Variants in LIPM observed in about 807,000 individuals in gnomAD.
LIPM encodes the protein lipase family member M.
Under a neutral mutation model 42.4 loss-of-function variants are expected in LIPM, and 42 were observed. That is an observed-to-expected ratio of 0.99 (90% CI 0.77 to 1.28). LIPM has a LOEUF of 1.28. LIPM is among the 50% of genes most tolerant of loss of function. The probability of loss-of-function intolerance (pLI) is 0.00; values close to 1 mark genes in which losing one functional copy is unlikely to be tolerated. For synonymous variants in LIPM, 177 were observed against 173.3 expected (o/e 1.02, Z -0.17); for missense variants, 524 against 520.1 (o/e 1.01, Z -0.07).
chr10:88,819,751 G>A (rs1002206127), intron 8 of LIPM, among the ~76,000 whole-genome samples: 3 of 152,170 alleles, frequency 2.0e-5, no homozygotes, highest in African/African-American at 4.8e-5. Context: ...CAGTCAAGCC[G>A]GGTCTGCCTC....
chr10:88,814,066 T>C (rs915361609), intron 3 of LIPM, among the ~76,000 whole-genome samples: 3 of 152,184 alleles, frequency 2.0e-5, no homozygotes, highest in African/African-American at 7.2e-5. Flanking sequence ...GGACCATCGA[T>C]TTGACTTACC....
In LIPM at chr10:88,813,092, T is replaced by G. The variant is rs1843673219; in HGVS notation, c.266-5T>G. On this transcript the variant is annotated splice_region_variant and splice_polypyrimidine_tract_variant and intron_variant, in intron 2 of 8. Coordinates refer to ENST00000404743, the MANE Select transcript of LIPM (RefSeq NM_001128215.1). ...TCATACAGTTGAAATTTTCTCTTTT[T>G]GCAGGTTCCAGGCCTGTGGTGTTAC... 1 of 1,573,878 alleles carries G rather than the reference T, an allele frequency of 6.4e-7. No homozygotes were observed. The highest frequency in any genetic ancestry group is 8.6e-7 in the Non-Finnish European group (1 of 1,158,800).
chr10:88,807,636 C>A (rs1399019026), intron 1 of LIPM, among the ~76,000 whole-genome samples: 1 of 152,118 alleles, frequency 6.6e-6, no homozygotes, highest in African/African-American at 2.4e-5. Flanking sequence ...GTTTTTGTAT[C>A]CATTGTATAT....
chr10:88,804,502 G>A (rs1843563730), intron 1 of LIPM, among the ~76,000 whole-genome samples: 1 of 152,186 alleles, frequency 6.6e-6, no homozygotes, highest in Admixed American at 6.5e-5. Flanking sequence ...TTCTGAGGTA[G>A]GAGAAGGGCA....
intron 2 of LIPM, among the ~76,000 whole-genome samples, chr10:88,808,696 A>T (rs997068881): frequency 1.3e-5 from 2 of 152,140 alleles, no homozygotes; most frequent in Admixed American, 1.3e-4. Flanking sequence ...CCCATTCCCC[A>T]AAACTCCTCC....
At position 88,820,488 on chromosome 10, in the gene LIPM, A is replaced by T; in HGVS notation, c.1259A>T (p.Glu420Val). ...ACCAACCTTTCCCAGGGACGGTGTG[A>T]GGCCGTATTGTGAAGCATCTGACAC... The part of the protein sequence containing the change: ...EETNLSQGRC[E>V]AVL The change falls in exon 9 of 9, where the codon GAG becomes GTG. Residue 420 changes from glutamate to valine, a missense_variant. Physicochemically the swap from Glu to Val is moderately radical, Grantham distance 121. Transcript: ENST00000404743. The T allele has an allele frequency of 6.4e-7, 1 of 1,550,820 alleles. No individual in the cohort carries two copies. Among genetic ancestry groups the T allele is most frequent in the South Asian group, 1.2e-5 (1 of 84,014 alleles).
Position 88,820,363 on chromosome 10 carries a change from T to C in LIPM, c.1134T>C (p.His378=). Residue 378 remains histidine (H), a synonymous_variant, in exon 9 of 9, where the codon CAT becomes CAC. Coordinates refer to ENST00000404743, the MANE Select transcript of LIPM (RefSeq NM_001128215.1). Reference sequence around the variant, plus strand: ...CTGAGGTGACCAACCTCATCTACCATAAGAATATTCCTGAATGGGCTCACG... The same window carrying C: ...CTGAGGTGACCAACCTCATCTACCACAAGAATATTCCTGAATGGGCTCACG... ...LLSEVTNLIY[H]KNIPEWAHVD... The C allele has an allele frequency of 6.4e-7, 1 of 1,552,284 alleles. No individual in the cohort carries two copies.
At chr10:88,815,027 A>G (rs1843700946) in intron 4 of LIPM, 61 bp from the exon 5 acceptor site, 1 of 1,443,472 alleles carries the variant, frequency 6.9e-7, no homozygotes, top group African/African-American at 1.4e-5. Context: ...AAAGCAAAAT[A>G]TACATTTTAT....
chr10:88,819,840 T>C (rs1032308516), intron 8 of LIPM, among the ~76,000 whole-genome samples: 1 of 152,228 alleles, frequency 6.6e-6, no homozygotes, highest in Non-Finnish European at 1.5e-5. Context: ...CTCTGTGGAA[T>C]ATAATTCTTC....
Position 88,814,431 on chromosome 10 carries a change from T to G in LIPM, c.465-99T>G, listed in dbSNP as rs1406847039. 6.7e-6 allele frequency: 5 copies of G among 743,628 alleles called. No homozygotes were observed. In the Admixed American group the frequency reaches 1.1e-4, roughly 17 times the overall value. The allele number at this position is 743,628 out of a possible 1,614,324, so 46.1% of individuals were successfully genotyped here. On this transcript the variant is annotated intron_variant, in intron 3 of 8. Transcript: ENST00000404743. ...GGACACGGTAACAAGCTGTCAGAGT[T>G]GACAACTCAAGGGCTTGTTTGTAAA...
At chr10:88,813,049 A>G (rs1843672639) in intron 2 of LIPM, 48 bp from the exon 3 acceptor site, 1 of 1,462,778 alleles carries the variant, frequency 6.8e-7, no homozygotes, top group Admixed American at 2.0e-5. Flanking sequence ...CTGGACAACA[A>G]GAAAGGGAGA....
chr10:88,808,937 T>G (rs1038804852), intron 2 of LIPM, among the ~76,000 whole-genome samples: 2 of 147,406 alleles, frequency 1.4e-5, no homozygotes, highest in African/African-American at 4.9e-5. Flanking sequence ...TTTTATTTTA[T>G]TTTATTTTAT....
intron 2 of LIPM, among the ~76,000 whole-genome samples, chr10:88,812,039 A>G: frequency 6.6e-6 from 1 of 152,178 alleles, no homozygotes; most frequent in East Asian, 1.9e-4. Context: ...ACATTTGGCC[A>G]CCAAGTCTGT....
Position 88,820,366 on chromosome 10 carries a change from G to A in LIPM, c.1137G>A (p.Lys379=), listed in dbSNP as rs1308139564. ...AGGTGACCAACCTCATCTACCATAA[G>A]AATATTCCTGAATGGGCTCACGTGG... ...LSEVTNLIYH[K]NIPEWAHVDF... is the part of the protein sequence containing the mutation. Residue 379 remains lysine (K), a synonymous_variant, in exon 9 of 9, where the codon AAG becomes AAA. Coordinates refer to ENST00000404743, the MANE Select transcript of LIPM (RefSeq NM_001128215.1). 2.6e-6 allele frequency: 4 copies of A among 1,552,304 alleles called. No individual in the cohort carries two copies. The highest frequency in any genetic ancestry group is 3.5e-6 in the Non-Finnish European group (4 of 1,147,144).
chr10:88,816,159 A>G (rs1267694289), intron 6 of LIPM, among the ~76,000 whole-genome samples: 1 of 152,146 alleles, frequency 6.6e-6, no homozygotes, highest in East Asian at 1.9e-4. Flanking sequence ...TTTATACACC[A>G]TATCAGTCAG....
At chr10:88,818,783 G>A (rs1437087023) in intron 8 of LIPM, among the ~76,000 whole-genome samples, 14 of 152,130 alleles carry the variant, frequency 9.2e-5, no homozygotes, top group Non-Finnish European at 5.9e-5. Flanking sequence ...CCTGGATAGT[G>A]AACTCTCAAT....
In LIPM at chr10:88,817,826, CA is replaced by C; in HGVS notation, c.933del (p.Val312Ter). The C allele has an allele frequency of 6.4e-7, 1 of 1,550,644 alleles. No homozygotes were observed. Among genetic ancestry groups the C allele is most frequent in the Non-Finnish European group, 8.7e-7 (1 of 1,146,194 alleles). On this transcript the variant is annotated frameshift_variant and splice_region_variant, in exon 8 of 9. Transcript: ENST00000404743. LOFTEE classifies it high-confidence loss of function. Reference protein sequence around the residue: ...SVQNILHWSQAVNSGELRAFD... With the variant: ...SVQNILHWSQXVNSGELRAFD... The stretch of plus-strand genomic sequence containing the variant: ...TTGTAAATTTTTGTCTCCTTTTAGG[CA>C]GTGAATTCTGGTGAACTCCGGGCAT...
At chr10:88,803,427 A>C (rs192276967) in intron 1 of LIPM, among the ~76,000 whole-genome samples, 177 of 152,274 alleles carry the variant, frequency 1.2e-3, no homozygotes, top group African/African-American at 4.1e-3. Context: ...CAAAGGTGTC[A>C]GCCTTTGCTT....
At chr10:88,817,313 T>C (rs1455334647) in intron 7 of LIPM, among the ~76,000 whole-genome samples, 1 of 152,116 alleles carries the variant, frequency 6.6e-6, no homozygotes, top group Admixed American at 6.5e-5. Flanking sequence ...TTACCTGCAA[T>C]TACAGGAAAC....
Sources: gnomAD v4.1 joint callset for allele counts (sites outside exome capture counted in the v4.1 genomes callset) on GRCh38, gnomAD v4.1.1 for gene constraint, MANE v1.5 for transcripts, NCBI Gene and HGNC (gene_info 2026-07-23, HGNC 2026-07-21) for gene names.